The following TTC23 variants were observed in gnomAD, a reference collection of about 807,000 sequenced individuals.
TTC23 encodes tetratricopeptide repeat domain 23, also known as tetratricopeptide repeat protein 23.
Under a neutral mutation model 55.1 loss-of-function variants are expected in TTC23, and 58 were observed. That is an observed-to-expected ratio of 1.05 (90% CI 0.85 to 1.31). TTC23 has a LOEUF of 1.31. Among genes scored for constraint, TTC23 ranks in the 50% most tolerant of loss-of-function variants. The pLI is 0.00. For synonymous variants in TTC23, 203 were observed against 199.9 expected (o/e 1.02, Z -0.13); for missense variants, 516 against 534.4 (o/e 0.97, Z 0.34).
intron 12 of TTC23, chr15:99,145,180 C>T (rs1311812594): frequency 6.6e-6 from 1 of 152,202 alleles, no homozygotes; most frequent in Non-Finnish European, 1.5e-5. Flanking sequence ...TGGCTGGACC[C>T]ACGTCTTTGT....
In TTC23 at chr15:99,233,451, C is replaced by A. The variant is rs2079080064; in HGVS notation, c.-21+1537G>T. Among the ~76,000 whole-genome samples, 4 of 152,172 alleles carry A rather than the reference C, an allele frequency of 2.6e-5. No homozygotes were observed. The South Asian group carries it at 6.2e-4, about 24-fold the overall frequency. ...AGATGAACAAATTCCTTTAAAGACA[C>A]AAACTACCAAAGCCCAAAATATTAA... On this transcript the variant is annotated intron_variant, in intron 4 of 13. Transcript: ENST00000394132.
In TTC23 at chr15:99,154,109, A is replaced by C. The variant is rs1287934800; in HGVS notation, c.1143+2039T>G. On this transcript the variant is annotated intron_variant, in intron 12 of 13. Coordinates refer to ENST00000394132, the MANE Select transcript of TTC23 (RefSeq NM_001288615.3). The stretch of plus-strand genomic sequence containing the variant: ...TTGTCAAGGAATTTCCCTACAAAAG[A>C]AGCAGCAGGTCTAAAGGATGTCACA... Among the ~76,000 whole-genome samples, 10 of 152,380 alleles carry C rather than the reference A, an allele frequency of 6.6e-5. No homozygotes were observed. In the South Asian group the frequency reaches 1.4e-3, roughly 22 times the overall value.
intron 9 of TTC23, among the ~76,000 whole-genome samples, chr15:99,194,187 T>C (rs964718925): frequency 5.3e-5 from 8 of 152,154 alleles, no homozygotes; most frequent in Non-Finnish European, 1.2e-4. Context: ...CCCAACTTGA[T>C]ATCCAGATTC....
intron 10 of TTC23, among the ~76,000 whole-genome samples, chr15:99,166,924 T>C (rs918171039): frequency 6.6e-6 from 1 of 152,224 alleles, no homozygotes. Context: ...GCACCTTCCC[T>C]GTCTATAGAT....
intron 1 of TTC23, among the ~76,000 whole-genome samples, chr15:99,248,815 T>C (rs544325067): frequency 6.6e-6 from 1 of 152,364 alleles, no homozygotes; most frequent in Non-Finnish European, 1.5e-5. Context: ...TAATTAAAAA[T>C]GTCATTTTTG....
At chr15:99,154,820 T>C (rs1264478701) in intron 12 of TTC23, among the ~76,000 whole-genome samples, 1 of 152,136 alleles carries the variant, frequency 6.6e-6, no homozygotes, top group Non-Finnish European at 1.5e-5. Flanking sequence ...CATGATAAAA[T>C]ATATAAACCT....
rs1567294638 is a variant in TTC23 at position 99,137,615 on chromosome 15, T to G, written c.*395A>C. 2 of 168,762 alleles carry G rather than the reference T, an allele frequency of 1.2e-5. No individual in the cohort carries two copies. Among genetic ancestry groups the G allele is most frequent in the Non-Finnish European group, 2.5e-5 (2 of 78,492 alleles). 10.5% of individuals were successfully genotyped at this position (168,762 alleles called of 1,614,324 possible). Reference sequence around the variant, plus strand: ...TATTAGCCTCCTATAAGAAAGGACTTCCTGAAGTTCACTGTCCAGATCTAA... The same window carrying G: ...TATTAGCCTCCTATAAGAAAGGACTGCCTGAAGTTCACTGTCCAGATCTAA... On this transcript the variant is annotated 3_prime_UTR_variant, in exon 14 of 14. Transcript: ENST00000394132.
At chr15:99,204,262 T>C (rs2076429228) in intron 8 of TTC23, among the ~76,000 whole-genome samples, 2 of 152,180 alleles carry the variant, frequency 1.3e-5, no homozygotes. Flanking sequence ...TTTTTTCATA[T>C]ACTTGTTGGT....
chr15:99,239,619 C>T (rs2079603085), intron 3 of TTC23, among the ~76,000 whole-genome samples: 1 of 152,198 alleles, frequency 6.6e-6, no homozygotes, highest in East Asian at 1.9e-4. Flanking sequence ...ATTTGAGATC[C>T]TAAGATGTTG....
intron 9 of TTC23, among the ~76,000 whole-genome samples, chr15:99,189,909 ATT>A (rs1381405174): frequency 6.6e-6 from 1 of 152,092 alleles, no homozygotes; most frequent in African/African-American, 2.4e-5. Flanking sequence ...AGGAGTAGTG[ATT>A]CATGCCTGTA....
intron 8 of TTC23, among the ~76,000 whole-genome samples, chr15:99,201,134 C>T (rs1193672663): frequency 2.0e-5 from 3 of 152,122 alleles, no homozygotes; most frequent in Non-Finnish European, 4.4e-5. Context: ...TTCTAAATTT[C>T]CCAAACTTCT....
At chr15:99,249,918 G>A (rs1870455022), upstream of TTC23, 1 of 152,092 alleles carries the variant, frequency 6.6e-6, no homozygotes, top group Admixed American at 6.5e-5. Context: ...ATGTGGGGAG[G>A]AGGTGAAGGT....
chr15:99,237,719 G>A (rs1199756196), intron 3 of TTC23, among the ~76,000 whole-genome samples: 1 of 152,164 alleles, frequency 6.6e-6, no homozygotes, highest in African/African-American at 2.4e-5. Context: ...CAAGGGGCAT[G>A]AGGAAACTTT....
chr15:99,171,559 C>CTTTTTTTTTT (rs35676358), intron 10 of TTC23, among the ~76,000 whole-genome samples: 10 of 92,302 alleles, frequency 1.1e-4, no homozygotes, highest in Admixed American at 2.7e-4. Context: ...GTCTCTCCGT[C>CTTTTTTTTTT]TTTTTTTTTT....
chr15:99,199,005 T>C (rs1018802824), intron 9 of TTC23, among the ~76,000 whole-genome samples: 1 of 152,198 alleles, frequency 6.6e-6, no homozygotes, highest in African/African-American at 2.4e-5. Context: ...TCGGCTAGGC[T>C]ATGGGGCCAG....
In TTC23 at chr15:99,137,666, T is replaced by A. The variant is rs966209134; in HGVS notation, c.*344A>T. On this transcript the variant is annotated 3_prime_UTR_variant, in exon 14 of 14. Coordinates refer to ENST00000394132, the MANE Select transcript of TTC23 (RefSeq NM_001288615.3). ...CTCCACACCTATGCAAGGAGCTGTGTGTACAAGCAGATGCCGGGCTGACTC... is the reference window on the plus strand; with the variant it reads ...CTCCACACCTATGCAAGGAGCTGTGAGTACAAGCAGATGCCGGGCTGACTC... 1.6e-5 allele frequency: 4 copies of A among 252,586 alleles called. No homozygotes were observed. Among genetic ancestry groups the A allele is most frequent in the Non-Finnish European group, 3.1e-5 (4 of 128,234 alleles). The allele number at this position is 252,586 out of a possible 1,614,324, so 15.6% of individuals were successfully genotyped here.
rs1015153446 is a variant in TTC23 at position 99,186,664 on chromosome 15, A to C, written c.760-11509T>G. Among the ~76,000 whole-genome samples the C allele has an allele frequency of 4.7e-4, 72 of 152,288 alleles. 1 individual carries two copies. The highest frequency in any genetic ancestry group is 7.4e-5 in the Non-Finnish European group (5 of 67,996). ...AAAAAATCATATATTTCTATACATGAATAATTAGAAAATGAAATTTTAAAA... is the reference window on the plus strand; with the variant it reads ...AAAAAATCATATATTTCTATACATGCATAATTAGAAAATGAAATTTTAAAA... On this transcript the variant is annotated intron_variant, in intron 9 of 13. Transcript: ENST00000394132.
chr15:99,173,636 T>C (rs1220506828), intron 10 of TTC23, among the ~76,000 whole-genome samples: 2 of 151,906 alleles, frequency 1.3e-5, no homozygotes, highest in Non-Finnish European at 2.9e-5. Flanking sequence ...CCAATAAAAC[T>C]CCAAATTTCC....
At chr15:99,139,190 G>C in intron 13 of TTC23, 127 bp downstream of exon 13, 1 of 1,190,162 alleles carries the variant, frequency 8.4e-7, no homozygotes, top group Non-Finnish European at 1.2e-6. Flanking sequence ...TGTCCTTTAT[G>C]CAAGTTATGG....
Sources: allele counts gnomAD v4.1 joint callset (sites outside exome capture counted in the v4.1 genomes callset), GRCh38; gene constraint gnomAD v4.1.1; transcripts MANE v1.5; gene names NCBI Gene and HGNC (gene_info 2026-07-23, HGNC 2026-07-21).